Variants in DLGAP2 observed in about 807,000 individuals in gnomAD.
The protein encoded by DLGAP2 is disks large-associated protein 2.
DLGAP2 carries 26 observed loss-of-function variants against 100.3 expected under a neutral mutation model. The observed-to-expected ratio is 0.26, with a 90% CI of 0.19 to 0.36. The LOEUF is 0.36. DLGAP2 is among the 10% of genes least tolerant of loss of function. DLGAP2 has a pLI of 1.00. For missense variants in DLGAP2, 1,858 were observed against 1,453.2 expected, an observed-to-expected ratio of 1.28 and a Z score of -4.53; for synonymous variants, 886 against 630.1, an observed-to-expected ratio of 1.41 and a Z score of -6.08.
chr8:956,702 C>G (rs1286809299), intron 2 of DLGAP2, among the ~76,000 whole-genome samples: 1 of 152,222 alleles, frequency 6.6e-6, no homozygotes, highest in Non-Finnish European at 1.5e-5. Flanking sequence ...ATTTTCCACA[C>G]TTGTCAATTC....
intron 3 of DLGAP2, among the ~76,000 whole-genome samples, chr8:1,318,995 T>C (rs1230733039): frequency 6.6e-6 from 1 of 152,090 alleles, no homozygotes; most frequent in Non-Finnish European, 1.5e-5. Context: ...TTATGGGGCT[T>C]TCAGGAGATT....
intron 1 of DLGAP2, among the ~76,000 whole-genome samples, chr8:843,348 C>T (rs1797016301): frequency 6.6e-6 from 1 of 152,224 alleles, no homozygotes; most frequent in Admixed American, 6.5e-5. Context: ...GGGTGAGAGC[C>T]TTTCCTGGAA....
chr8:1,698,249 C>A (rs2130887760), intron 14 of DLGAP2, among the ~76,000 whole-genome samples: 1 of 152,326 alleles, frequency 6.6e-6, no homozygotes, highest in East Asian at 1.9e-4. Flanking sequence ...TCCACGTAAG[C>A]CATGCGTGGG....
At chr8:842,261 C>G (rs1226820519) in intron 1 of DLGAP2, among the ~76,000 whole-genome samples, 1 of 152,178 alleles carries the variant, frequency 6.6e-6, no homozygotes, top group Non-Finnish European at 1.5e-5. Flanking sequence ...GAACAATACT[C>G]CTTGAGCGAT....
At chr8:847,707 A>G (rs1393371988) in intron 1 of DLGAP2, among the ~76,000 whole-genome samples, 1 of 152,078 alleles carries the variant, frequency 6.6e-6, no homozygotes, top group Non-Finnish European at 1.5e-5. Context: ...GGGTTTCACC[A>G]TGTTGGCCAG....
intron 6 of DLGAP2, among the ~76,000 whole-genome samples, chr8:1,595,135 G>T (rs951028331): frequency 6.6e-6 from 1 of 151,762 alleles, no homozygotes; most frequent in Non-Finnish European, 1.5e-5. Context: ...CAACCTCCCG[G>T]GTGCAAGCGA....
chr8:938,509 T>C (rs1434211023), intron 2 of DLGAP2, among the ~76,000 whole-genome samples: 2 of 152,180 alleles, frequency 1.3e-5, no homozygotes, highest in Non-Finnish European at 2.9e-5. Context: ...ATGGTTTGTG[T>C]GGAGCACACG....
At chr8:801,590 G>A (rs550802740) in intron 1 of DLGAP2, among the ~76,000 whole-genome samples, 19 of 152,280 alleles carry the variant, frequency 1.2e-4, no homozygotes, top group African/African-American at 4.3e-4. Flanking sequence ...TAGCTGTGTG[G>A]CCAGTGGGCT....
At chr8:1,535,075 G>A (rs1445640851) in intron 4 of DLGAP2, among the ~76,000 whole-genome samples, 1 of 152,212 alleles carries the variant, frequency 6.6e-6, no homozygotes, top group East Asian at 1.9e-4. Flanking sequence ...GCCACCTTCT[G>A]TAGGGCAAGG....
At chr8:875,037 A>G (rs527527243) in intron 1 of DLGAP2, among the ~76,000 whole-genome samples, 1 of 152,092 alleles carries the variant, frequency 6.6e-6, no homozygotes, top group South Asian at 2.1e-4. Flanking sequence ...TTTAAAGTCA[A>G]TTTTGTCTGA....
At chr8:829,060 T>G (rs56314715) in intron 1 of DLGAP2, among the ~76,000 whole-genome samples, 1 of 152,230 alleles carries the variant, frequency 6.6e-6, no homozygotes, top group Admixed American at 6.5e-5. Flanking sequence ...TTTTTTAAAT[T>G]AAACCCATGA....
intron 2 of DLGAP2, among the ~76,000 whole-genome samples, chr8:915,777 G>A (rs1028163146): frequency 1.7e-4 from 25 of 150,810 alleles, no homozygotes; most frequent in South Asian, 2.1e-4. Context: ...GTCCCAGGGC[G>A]TGGTTTCCGT....
At position 1,407,237 on chromosome 8, in the gene DLGAP2, T is replaced by C. The variant is rs77959333; in HGVS notation, c.107-94129T>C. On this transcript the variant is annotated intron_variant, in intron 3 of 14. Coordinates refer to ENST00000637795, the MANE Select transcript of DLGAP2 (RefSeq NM_001346810.2). ...GAGTGCTTACTGAGCGCCACCTCCTTGTCCTCCGGAGTCGTGTATTGAGTG... is the reference window on the plus strand; with the variant it reads ...GAGTGCTTACTGAGCGCCACCTCCTCGTCCTCCGGAGTCGTGTATTGAGTG... 4.6e-3 allele frequency among the ~76,000 whole-genome samples: 72 copies of C among 15,486 alleles called. 1 individual carries two copies. Among genetic ancestry groups the C allele is most frequent in the South Asian group, 6.2e-3 (1 of 162 alleles). The allele number at this position is 15,486 out of a possible 152,430, so 10.2% of individuals were successfully genotyped here. A position where few individuals can be genotyped will look rare whatever the true frequency, so the allele number is the denominator to read the frequency against.
chr8:825,438 C>T (rs980027433), intron 1 of DLGAP2, among the ~76,000 whole-genome samples: 1 of 152,210 alleles, frequency 6.6e-6, no homozygotes, highest in Non-Finnish European at 1.5e-5. Flanking sequence ...GAGGCAGCCG[C>T]ACTTCCTTCC....
rs73672920 is a variant in DLGAP2, at chr8:1,676,748, T to C, written c.2288+130T>C. ...TTGTGGAAACAGGGCCATACGTTTA[T>C]ACTTTTCCATTGATAACCCTCAAGT... On this transcript the variant is annotated intron_variant, in intron 11 of 14. Transcript: ENST00000637795. 1,987 of 869,536 alleles carry C rather than the reference T, an allele frequency of 2.3e-3. 35 individuals carry two copies. The African/African-American group carries it at 0.03, about 13-fold the overall frequency. 53.9% of individuals were successfully genotyped at this position (869,536 alleles called of 1,614,324 possible).
At chr8:1,192,285 G>C (rs985763417) in intron 2 of DLGAP2, among the ~76,000 whole-genome samples, 2 of 152,136 alleles carry the variant, frequency 1.3e-5, no homozygotes, top group South Asian at 2.1e-4. Flanking sequence ...ACTTATTTAC[G>C]CTTATTAATT....
At chr8:1,103,991 T>C (rs1204347166) in intron 2 of DLGAP2, among the ~76,000 whole-genome samples, 1 of 152,212 alleles carries the variant, frequency 6.6e-6, no homozygotes, top group Non-Finnish European at 1.5e-5. Context: ...TCTGGGCCCC[T>C]GCATCAGGTG....
chr8:983,128 C>G (rs918035035), intron 2 of DLGAP2, among the ~76,000 whole-genome samples: 1 of 152,234 alleles, frequency 6.6e-6, no homozygotes, highest in African/African-American at 2.4e-5. Context: ...TTGGTCCACA[C>G]AGCACAAGTT....
intron 4 of DLGAP2, among the ~76,000 whole-genome samples, chr8:1,520,023 G>T (rs138129499): frequency 6.6e-6 from 1 of 152,226 alleles, no homozygotes; most frequent in East Asian, 1.9e-4. Context: ...GTGGGCCATC[G>T]CTGTTGGCTG....
Sources: allele counts gnomAD v4.1 joint callset (sites outside exome capture counted in the v4.1 genomes callset), GRCh38; gene constraint gnomAD v4.1.1; transcripts MANE v1.5; gene names NCBI Gene and HGNC (gene_info 2026-07-23, HGNC 2026-07-21).